The following SEMA5A variants were observed in gnomAD, a reference collection of about 807,000 sequenced individuals.
The protein encoded by SEMA5A is semaphorin 5A, also known as semaphorin-5A.
SEMA5A carries 55 observed loss-of-function variants against 135.5 expected under a neutral mutation model. The observed-to-expected ratio is 0.41, with a 90% confidence interval of 0.33 to 0.51. SEMA5A has a LOEUF of 0.51. Ranked by LOEUF, SEMA5A falls within the 20% of genes least tolerant of loss-of-function variation. The pLI is 0.37. For synonymous variants in SEMA5A, 580 were observed against 546.5 expected, an observed-to-expected ratio of 1.06 and a Z score of -0.85; for missense variants, 1,290 against 1,419.9, an observed-to-expected ratio of 0.91 and a Z score of 1.47.
intron 3 of SEMA5A, among the ~76,000 whole-genome samples, chr5:9,345,541 AG>A (rs945322774): frequency 6.6e-6 from 1 of 150,822 alleles, no homozygotes; most frequent in African/African-American, 2.5e-5. Context: ...AAAAAAAAAA[AG>A]TGGTCTGTAC....
chr5:9,191,004 C>T (rs997533977), intron 10 of SEMA5A, among the ~76,000 whole-genome samples: 2 of 152,182 alleles, frequency 1.3e-5, no homozygotes, highest in Admixed American at 6.5e-5. Context: ...TACAAAAATA[C>T]TGTGCTGGCC....
At chr5:9,384,571 CATAGATAGATAG>C (rs1170217920) in intron 2 of SEMA5A, among the ~76,000 whole-genome samples, 5,356 of 80,314 alleles carry the variant, frequency 0.067, 309 homozygotes, top group Middle Eastern at 0.085. Flanking sequence ...TAGATAGATA[CATAGATAGATAG>C]ATAGATAGAT....
rs61244909 is a variant in SEMA5A at position 9,234,156 on chromosome 5, G to A, written c.333+3672C>T. Reference sequence around the variant, plus strand: ...ACGTTACCTATCAGTCAAATTGACTGTGAGAATGTTCTCTGAATTGGCTCC... The same window carrying A: ...ACGTTACCTATCAGTCAAATTGACTATGAGAATGTTCTCTGAATTGGCTCC... On this transcript the variant is annotated intron_variant, in intron 6 of 22. Coordinates refer to ENST00000382496, the MANE Select transcript of SEMA5A (RefSeq NM_003966.3). Among the ~76,000 whole-genome samples the A allele has an allele frequency of 7.1e-3, 1,074 of 152,260 alleles. 13 individuals are homozygous for A. Among genetic ancestry groups the A allele is most frequent in the African/African-American group, 0.025 (1,023 of 41,538 alleles).
At chr5:9,262,863 A>T in intron 5 of SEMA5A, among the ~76,000 whole-genome samples, 1 of 137,310 alleles carries the variant, frequency 7.3e-6, no homozygotes, top group African/African-American at 2.7e-5. Flanking sequence ...AACCTGCACA[A>T]TGTGCACATG....
intron 14 of SEMA5A, among the ~76,000 whole-genome samples, chr5:9,121,357 A>G (rs1008463206): frequency 6.6e-6 from 1 of 152,160 alleles, no homozygotes; most frequent in African/African-American, 2.4e-5. Flanking sequence ...CAATCCACTT[A>G]CGTTTTTAAA....
intron 11 of SEMA5A, among the ~76,000 whole-genome samples, chr5:9,180,578 T>C (rs1744450345): frequency 6.6e-6 from 1 of 152,154 alleles, no homozygotes; most frequent in Non-Finnish European, 1.5e-5. Flanking sequence ...AGTTGCAAAT[T>C]GCTTAGAAAC....
At chr5:9,529,336 C>G (rs969228373) in intron 1 of SEMA5A, among the ~76,000 whole-genome samples, 2 of 152,230 alleles carry the variant, frequency 1.3e-5, no homozygotes, top group African/African-American at 2.4e-5. Flanking sequence ...GGCACCTTTC[C>G]TAGAGGTCAG....
intron 2 of SEMA5A, among the ~76,000 whole-genome samples, chr5:9,399,981 A>G (rs1299302850): frequency 6.6e-6 from 1 of 152,232 alleles, no homozygotes; most frequent in Admixed American, 6.5e-5. Flanking sequence ...TGCAGCCATA[A>G]AAAAGGATGA....
At chr5:9,543,596 T>C (rs1237107082) in intron 1 of SEMA5A, among the ~76,000 whole-genome samples, 6 of 152,198 alleles carry the variant, frequency 3.9e-5, no homozygotes, top group African/African-American at 1.4e-4. Context: ...ATAAAATGAT[T>C]AGCATCATCT....
At chr5:9,156,592 G>C (rs1408206874) in intron 11 of SEMA5A, among the ~76,000 whole-genome samples, 1 of 152,192 alleles carries the variant, frequency 6.6e-6, no homozygotes, top group Non-Finnish European at 1.5e-5. Flanking sequence ...TTATGTGAGA[G>C]ACCCCTGGGT....
At chr5:9,203,453 A>T (rs906051620) in intron 8 of SEMA5A, among the ~76,000 whole-genome samples, 1 of 152,218 alleles carries the variant, frequency 6.6e-6, no homozygotes, top group Non-Finnish European at 1.5e-5. Context: ...TGGCTGCAAG[A>T]TAAGCCATTA....
chr5:9,283,019 A>G (rs1011235333), intron 5 of SEMA5A, among the ~76,000 whole-genome samples: 1 of 152,176 alleles, frequency 6.6e-6, no homozygotes. Flanking sequence ...TAAGCACAGT[A>G]AGACCAATTT....
chr5:9,154,240 A>G (rs1032473000), intron 12 of SEMA5A, among the ~76,000 whole-genome samples: 3 of 151,310 alleles, frequency 2.0e-5, no homozygotes, highest in Non-Finnish European at 4.4e-5. Flanking sequence ...TGAATAATTT[A>G]TTTTAACCCT....
chr5:9,067,543 T>C lies in SEMA5A; in HGVS notation c.2074-897A>G, dbSNP rs140465498. Among the ~76,000 whole-genome samples the C allele has an allele frequency of 4.6e-5, 7 of 151,570 alleles. No homozygotes were observed. The East Asian group carries it at 7.8e-4, about 17-fold the overall frequency. The stretch of plus-strand genomic sequence containing the variant: ...TTAAAGATTTTTAACAATGTTTTAT[T>C]AATAAAATAAGAATTAAATCACTCT... On this transcript the variant is annotated intron_variant, in intron 16 of 22. Coordinates refer to ENST00000382496, the MANE Select transcript of SEMA5A (RefSeq NM_003966.3).
intron 2 of SEMA5A, among the ~76,000 whole-genome samples, chr5:9,383,424 T>C (rs924744544): frequency 4.6e-5 from 7 of 152,090 alleles, no homozygotes; most frequent in Non-Finnish European, 8.8e-5. Flanking sequence ...TCAGCAATGA[T>C]AAAGATAAAA....
intron 5 of SEMA5A, among the ~76,000 whole-genome samples, chr5:9,278,710 T>C (rs80295778): frequency 0.01 from 1,550 of 152,274 alleles, 27 homozygotes; most frequent in African/African-American, 0.036. Context: ...CAGCTCCAGC[T>C]ATGGCTAAAG....
intron 6 of SEMA5A, among the ~76,000 whole-genome samples, chr5:9,227,373 AC>A (rs1747371594): frequency 6.6e-6 from 1 of 152,210 alleles, no homozygotes; most frequent in Admixed American, 6.5e-5. Context: ...AATAAAAGGA[AC>A]CTATTAGATG....
At chr5:9,259,148 T>A (rs969741093) in intron 5 of SEMA5A, among the ~76,000 whole-genome samples, 13 of 152,184 alleles carry the variant, frequency 8.5e-5, no homozygotes, top group Admixed American at 2.6e-4. Flanking sequence ...AAAGCCTTTT[T>A]AATCCCATTC....
chr5:9,283,345 T>C (rs1255007166), intron 5 of SEMA5A, among the ~76,000 whole-genome samples: 1 of 152,090 alleles, frequency 6.6e-6, no homozygotes, highest in Non-Finnish European at 1.5e-5. Context: ...AATTCAGTTC[T>C]TTGTGACTGT....
Sources: allele counts gnomAD v4.1 joint callset (sites outside exome capture counted in the v4.1 genomes callset), GRCh38; gene constraint gnomAD v4.1.1; transcripts MANE v1.5; gene names NCBI Gene and HGNC (gene_info 2026-07-23, HGNC 2026-07-21).